The following WDR76 variants were observed in gnomAD, a reference collection of about 807,000 sequenced individuals.
WDR76 encodes WD repeat-containing protein 76.
In WDR76, 52 loss-of-function variants were observed where a neutral mutation model predicts 70.2. The ratio of observed to expected loss-of-function variants is 0.74; its 90% CI spans 0.59 to 0.93. WDR76 has a LOEUF of 0.93. Ranked by LOEUF, WDR76 falls within the 40% of genes least tolerant of loss-of-function variation. WDR76 has a pLI of 0.00. For missense variants in WDR76, 756 were observed against 760.2 expected (o/e 0.99, Z 0.07); for synonymous variants, 292 against 271.1 (o/e 1.08, Z -0.76).
intron 2 of WDR76, among the ~76,000 whole-genome samples, chr15:43,828,960 T>C (rs903421000): frequency 6.6e-6 from 1 of 151,580 alleles, no homozygotes; most frequent in Non-Finnish European, 1.5e-5. Context: ...CAGAGTGCAG[T>C]GACGCTATCT....
chr15:43,838,116 G>A (rs1406723495), intron 4 of WDR76, among the ~76,000 whole-genome samples: 8 of 152,022 alleles, frequency 5.3e-5, no homozygotes, highest in African/African-American at 1.2e-4. Context: ...CTCGTGATCC[G>A]CCTGCCTCGG....
chr15:43,863,945 G>A (rs943345839), intron 12 of WDR76: 2 of 152,160 alleles, frequency 1.3e-5, no homozygotes, highest in Admixed American at 1.3e-4. Flanking sequence ...AGAACAAAGA[G>A]TTTTATCTGT....
At chr15:43,852,883 T>G (rs2087879721) in intron 9 of WDR76, among the ~76,000 whole-genome samples, 1 of 152,094 alleles carries the variant, frequency 6.6e-6, no homozygotes, top group Admixed American at 6.5e-5. Context: ...GTGTTTCTAT[T>G]CTTTCTTTAT....
chr15:43,843,591 T>A (rs2087752056), intron 7 of WDR76, among the ~76,000 whole-genome samples: 1 of 152,190 alleles, frequency 6.6e-6, no homozygotes. Context: ...TTAGTACACA[T>A]TGCCGAATTG....
intron 12 of WDR76, among the ~76,000 whole-genome samples, chr15:43,862,854 G>A (rs1471695586): frequency 1.3e-5 from 2 of 152,096 alleles, no homozygotes; most frequent in Admixed American, 1.3e-4. Context: ...ACATTGGTTA[G>A]GCTGGTCTCT....
intron 2 of WDR76, among the ~76,000 whole-genome samples, chr15:43,831,824 A>G (rs1214004015): frequency 6.6e-6 from 1 of 151,624 alleles, no homozygotes; most frequent in African/African-American, 2.4e-5. Context: ...TACTTTGCAT[A>G]TCAGAGAAAT....
At chr15:43,829,495 G>A (rs763764271) in intron 2 of WDR76, among the ~76,000 whole-genome samples, 2 of 141,092 alleles carry the variant, frequency 1.4e-5, no homozygotes, top group Non-Finnish European at 3.0e-5. Flanking sequence ...GCCTAGCATG[G>A]CCACTTTTTT....
intron 8 of WDR76, among the ~76,000 whole-genome samples, chr15:43,847,753 C>T (rs1342459434): frequency 2.0e-5 from 3 of 152,074 alleles, no homozygotes; most frequent in Non-Finnish European, 4.4e-5. Flanking sequence ...GATGAGGCTT[C>T]TCCATGTTGG....
intron 11 of WDR76, among the ~76,000 whole-genome samples, chr15:43,860,910 CTTTTTTTTTTTTTTT>C (rs34504509): frequency 1.3e-5 from 1 of 78,994 alleles, no homozygotes; most frequent in African/African-American, 5.7e-5. Flanking sequence ...TGATCTTACT[CTTTTTTTTTTTTTTT>C]TTTTTTTTTT....
intron 8 of WDR76, among the ~76,000 whole-genome samples, chr15:43,846,297 C>A (rs1402314274): frequency 6.9e-6 from 1 of 145,518 alleles, no homozygotes; most frequent in East Asian, 2.0e-4. Context: ...TTTTTTTTCC[C>A]GCCCCTGAGA....
chr15:43,847,508 G>A (rs767047576), intron 8 of WDR76, among the ~76,000 whole-genome samples: 1 of 151,734 alleles, frequency 6.6e-6, no homozygotes, highest in African/African-American at 2.4e-5. Flanking sequence ...TGCAGCCTCC[G>A]CCTCCTGGGT....
intron 8 of WDR76, among the ~76,000 whole-genome samples, chr15:43,844,638 G>A (rs917615135): frequency 6.6e-6 from 1 of 151,230 alleles, no homozygotes; most frequent in Non-Finnish European, 1.5e-5. Context: ...GGCTGGGAGC[G>A]GTGGCTCACG....
chr15:43,862,895 G>T (rs1452780406), intron 12 of WDR76, among the ~76,000 whole-genome samples: 1 of 151,916 alleles, frequency 6.6e-6, no homozygotes, highest in Non-Finnish European at 1.5e-5. Context: ...CACCCACCTT[G>T]GCCTCCCAAA....
At chr15:43,859,082 A>G (rs929287428) in intron 11 of WDR76, among the ~76,000 whole-genome samples, 1 of 152,178 alleles carries the variant, frequency 6.6e-6, no homozygotes, top group African/African-American at 2.4e-5. Context: ...CCCTTTAAGC[A>G]CTGAAGAATC....
chr15:43,831,036 A>C (rs907690957), intron 2 of WDR76, among the ~76,000 whole-genome samples: 14 of 152,010 alleles, frequency 9.2e-5, no homozygotes, highest in Admixed American at 3.9e-4. Context: ...CGACAGAGCG[A>C]GACTCTGTCC....
At chr15:43,842,553 C>G in intron 6 of WDR76, 37 bp downstream of exon 6, 4 of 1,601,042 alleles carry the variant, frequency 2.5e-6, no homozygotes, top group Non-Finnish European at 3.4e-6. Flanking sequence ...TTAGAATCAT[C>G]TGTTAAGGAA....
In WDR76 at chr15:43,866,530, GAA is replaced by G; in HGVS notation, c.*139_*140del. 3 of 1,034,298 alleles carry G rather than the reference GAA, an allele frequency of 2.9e-6. No individual in the cohort carries two copies. The highest frequency in any genetic ancestry group is 4.1e-6 in the Non-Finnish European group (3 of 725,596). 64.1% of individuals were successfully genotyped at this position (1,034,298 alleles called of 1,614,324 possible). A position where few individuals can be genotyped will look rare whatever the true frequency, so the allele number is the denominator to read the frequency against. ...CATTGTTTTATTAATAAGACTATAA[GAA>G]GAGTGTACTTTTAGTAAGGGAGAAG... On this transcript the variant is annotated 3_prime_UTR_variant, in exon 13 of 13. Transcript: ENST00000263795.
chr15:43,834,511 C>T (rs1275636979), intron 2 of WDR76, among the ~76,000 whole-genome samples: 2 of 150,860 alleles, frequency 1.3e-5, no homozygotes, highest in Non-Finnish European at 2.9e-5. Context: ...AGGATTTCAC[C>T]ATGTTGGCCA....
At chr15:43,839,579 A>G in intron 4 of WDR76, 26 bp from the exon 5 acceptor site, 2 of 1,593,562 alleles carry the variant, frequency 1.3e-6, no homozygotes, top group Non-Finnish European at 1.7e-6. Context: ...TGTGAGTATA[A>G]CATGAGTTTT....
Sources: gnomAD v4.1 joint callset for allele counts (sites outside exome capture counted in the v4.1 genomes callset) on GRCh38, gnomAD v4.1.1 for gene constraint, MANE v1.5 for transcripts, NCBI Gene and HGNC (gene_info 2026-07-23, HGNC 2026-07-21) for gene names.